Variants in SLC12A9 observed in about 807,000 individuals in gnomAD.
SLC12A9 encodes CCC-interacting protein 1.
Under a neutral mutation model 66.0 loss-of-function variants are expected in SLC12A9, and 55 were observed. That is an observed-to-expected ratio of 0.83 (90% CI 0.67 to 1.04). The LOEUF is 1.04. Ranked by LOEUF, SLC12A9 falls within the 50% of genes least tolerant of loss-of-function variation. The pLI is 0.00. For synonymous variants in SLC12A9, 577 were observed against 569.0 expected, an observed-to-expected ratio of 1.01 and a Z score of -0.20; for missense variants, 1,061 against 1,241.9, an observed-to-expected ratio of 0.85 and a Z score of 2.19.
rs1387178705 is a variant in SLC12A9 at position 100,856,796 on chromosome 7, G to A, written c.449-72G>A. 4.9e-6 allele frequency: 7 copies of A among 1,432,972 alleles called. No individual in the cohort carries two copies. The Admixed American group carries it at 1.1e-4, about 22-fold the overall frequency. The allele number at this position is 1,432,972 out of a possible 1,614,324, so 88.8% of individuals were successfully genotyped here. ...CAAAGTGCTGGAATTATAGATGTGA[G>A]CCGCCCACCATGCCCGGCTGGTGGG... On this transcript the variant is annotated intron_variant, in intron 4 of 13. Coordinates refer to ENST00000354161, the MANE Select transcript of SLC12A9 (RefSeq NM_020246.4).
chr7:100,837,933 T>C (rs1388784803), intron 1 of SLC12A9, among the ~76,000 whole-genome samples: 1 of 142,840 alleles, frequency 7.0e-6, no homozygotes, highest in Non-Finnish European at 1.5e-5. Flanking sequence ...TGATCTTCGC[T>C]CACTGCAAGC....
chr7:100,847,342 G>T (rs1250930704), intron 1 of SLC12A9, among the ~76,000 whole-genome samples: 1 of 152,236 alleles, frequency 6.6e-6, no homozygotes, highest in African/African-American at 2.4e-5. Context: ...CAGGCATACA[G>T]CAGGACTGTA....
At chr7:100,841,015 A>AG (rs1240901582) in intron 1 of SLC12A9, among the ~76,000 whole-genome samples, 20 of 151,910 alleles carry the variant, frequency 1.3e-4, no homozygotes, top group Admixed American at 1.3e-3. Flanking sequence ...AAAAAAAAAA[A>AG]CTTTTAGAGG....
intron 1 of SLC12A9, among the ~76,000 whole-genome samples, chr7:100,827,696 G>A (rs561449744): frequency 6.6e-6 from 1 of 152,084 alleles, no homozygotes; most frequent in East Asian, 1.9e-4. Context: ...GGGAAGTTGA[G>A]AGAAAGTTTG....
At chr7:100,865,551 GAA>G in intron 13 of SLC12A9, 166 bp from the exon 14 acceptor site, 5 of 1,582,690 alleles carry the variant, frequency 3.2e-6, no homozygotes, top group Non-Finnish European at 4.3e-6. Flanking sequence ...TAGGAAAAAT[GAA>G]AAGTCTTTAT....
Position 100,861,784 on chromosome 7 carries a change from G to A in SLC12A9, c.1584G>A (p.Lys528=), listed in dbSNP as rs781132283. 4.3e-6 allele frequency: 7 copies of A among 1,613,964 alleles called. No homozygotes were observed. The Admixed American group carries it at 5.0e-5, about 12-fold the overall frequency. Reference sequence around the variant, plus strand: ...TGGACGTCCGGAAGGATCACGTGAAGTTCTGGCGGCCCCAGCTGCTGCTCC... The same window carrying A: ...TGGACGTCCGGAAGGATCACGTGAAATTCTGGCGGCCCCAGCTGCTGCTCC... ...LRLDVRKDHV[K]FWRPQLLLLV... is the part of the protein sequence containing the mutation. Residue 528 remains lysine (K), a synonymous_variant, in exon 12 of 14, where the codon AAG becomes AAA. Coordinates refer to ENST00000354161, the MANE Select transcript of SLC12A9 (RefSeq NM_020246.4). This position sits in a 1 kb window ranked among gnomAD's most constrained non-coding sequence, Gnocchi z 5.3.
intron 5 of SLC12A9, chr7:100,857,405 C>G: frequency 1.7e-6 from 1 of 579,682 alleles, no homozygotes; most frequent in Non-Finnish European, 3.1e-6. Flanking sequence ...TGTGTTCTAG[C>G]TGAGGAGAGA....
chr7:100,846,644 G>A (rs1367015362), intron 1 of SLC12A9, among the ~76,000 whole-genome samples: 1 of 151,946 alleles, frequency 6.6e-6, no homozygotes, highest in African/African-American at 2.4e-5. Context: ...AATCACTATC[G>A]ATCTGTCGTG....
At chr7:100,827,547 G>A (rs1423681521) in intron 1 of SLC12A9, 2 of 152,248 alleles carry the variant, frequency 1.3e-5, no homozygotes, top group Admixed American at 6.6e-5. Context: ...CCGGGCCCGG[G>A]AGGGAGGGGC....
At chr7:100,842,512 C>T (rs114082849) in intron 1 of SLC12A9, among the ~76,000 whole-genome samples, 2,748 of 152,210 alleles carry the variant, frequency 0.018, 81 homozygotes, top group African/African-American at 0.063. Context: ...GTCTTGCCCC[C>T]GACGTAGAGC....
intron 1 of SLC12A9, among the ~76,000 whole-genome samples, chr7:100,843,590 G>C (rs1813833035): frequency 6.6e-6 from 1 of 152,212 alleles, no homozygotes; most frequent in Admixed American, 6.5e-5. Flanking sequence ...ACTAGACAAG[G>C]TTTCCAAAGG....
chr7:100,865,505 C>A, intron 13 of SLC12A9: 2 of 1,531,612 alleles, frequency 1.3e-6, no homozygotes, highest in South Asian at 2.4e-5. Context: ...GGAGATTAGT[C>A]ACTGAGATAA....
intron 1 of SLC12A9, among the ~76,000 whole-genome samples, chr7:100,841,540 G>T (rs920602662): frequency 2.6e-5 from 4 of 152,020 alleles, no homozygotes; most frequent in African/African-American, 9.7e-5. Flanking sequence ...CTGTGAACTG[G>T]ACATTAAAGT....
chr7:100,833,932 C>CAAAAAAAA (rs60667059), intron 1 of SLC12A9, among the ~76,000 whole-genome samples: 103 of 62,850 alleles, frequency 1.6e-3, no homozygotes, highest in African/African-American at 2.3e-3. Flanking sequence ...GACTCTGTCT[C>CAAAAAAAA]AAAAAAAAAA....
At position 100,866,094 on chromosome 7, in the gene SLC12A9, G is replaced by C; in HGVS notation, c.2234G>C (p.Gly745Ala). 6.2e-7 allele frequency: 1 copy of C among 1,613,020 alleles called. No homozygotes were observed. Among genetic ancestry groups the C allele is most frequent in the Non-Finnish European group, 8.5e-7 (1 of 1,179,888 alleles). Residue 745 changes from glycine to alanine, a missense_variant, in exon 14 of 14, where the codon GGC (glycine) becomes GCC (alanine). By Grantham distance (60) the Gly-to-Ala change is moderately conservative. Transcript: ENST00000354161. The surrounding 1 kb of genome is among the most constrained non-coding windows in gnomAD (Gnocchi z 7.3). ...RGGPGYVDVC[G>A]LFLLQMATIL... ...GGGCCCGGCTATGTGGATGTCTGCG[G>C]CCTCTTCCTGCTGCAGATGGCAACC...
intron 1 of SLC12A9, chr7:100,827,167 G>C: frequency 1.2e-6 from 1 of 848,136 alleles, no homozygotes; most frequent in Non-Finnish European, 1.6e-6. Context: ...GGGCCCATGC[G>C]AGCGTGCGGG....
At position 100,840,722 on chromosome 7, in the gene SLC12A9, CAAAG is replaced by C. The variant is rs202232332; in HGVS notation, n.228+13689_228+13692del. On this transcript the variant is annotated intron_variant and non_coding_transcript_variant, in intron 1 of 1. Coordinates refer to the SLC12A9 transcript ENST00000461016. The stretch of plus-strand genomic sequence containing the variant: ...AAAGAAAGTCAAAGAGAGACAAAGT[CAAAG>C]AAAGAAAGAAAGAGAGATATACAAG... Among the ~76,000 whole-genome samples the C allele has an allele frequency of 9.2e-3, 1,330 of 144,476 alleles. 15 individuals carry two copies. Among genetic ancestry groups the C allele is most frequent in the African/African-American group, 0.027 (1,047 of 38,958 alleles). 94.8% of individuals were successfully genotyped at this position (144,476 alleles called of 152,430 possible).
intron 1 of SLC12A9, among the ~76,000 whole-genome samples, chr7:100,840,543 T>G (rs185623564): frequency 5.8e-4 from 88 of 151,472 alleles, no homozygotes; most frequent in South Asian, 2.5e-3. Context: ...GCAGCATAAG[T>G]GGCTGGCAGA....
chr7:100,835,023 G>A (rs2116501713), intron 1 of SLC12A9, among the ~76,000 whole-genome samples: 1 of 152,190 alleles, frequency 6.6e-6, no homozygotes, highest in Non-Finnish European at 1.5e-5. Flanking sequence ...AACAGAGTGA[G>A]ACCCCGTTTC....
Sources: gnomAD v4.1 joint callset for allele counts (sites outside exome capture counted in the v4.1 genomes callset) on GRCh38, gnomAD v4.1.1 for gene constraint, Gnocchi (gnomAD v3.1) non-coding constraint, MANE v1.5 for transcripts, NCBI Gene and HGNC (gene_info 2026-07-23, HGNC 2026-07-21) for gene names.